LHFPL6: variants seen among roughly 807,000 people sequenced by gnomAD.
LHFPL6 encodes LHFPL tetraspan subfamily member 6 protein.
LHFPL6 carries 9 observed loss-of-function variants against 20.6 expected under a neutral mutation model. The observed-to-expected ratio is 0.44, with a 90% CI of 0.26 to 0.76. The LOEUF (loss-of-function observed/expected upper bound fraction) is 0.76, where lower values mean the gene tolerates loss of function less well. LHFPL6 is among the 30% of genes least tolerant of loss of function. LHFPL6 has a pLI of 0.20. For missense variants in LHFPL6, 218 were observed against 253.5 expected (o/e 0.86, Z 0.95); for synonymous variants, 105 against 98.7 (o/e 1.06, Z -0.38).
At chr13:39,429,721 C>A (rs1284128303) in intron 2 of LHFPL6, among the ~76,000 whole-genome samples, 1 of 152,104 alleles carries the variant, frequency 6.6e-6, no homozygotes, top group African/African-American at 2.4e-5. Flanking sequence ...GTCTCCAAAT[C>A]CTCTTCTCCC....
chr13:39,572,240 GAGTT>G (rs1307053032), intron 2 of LHFPL6, among the ~76,000 whole-genome samples: 2 of 151,956 alleles, frequency 1.3e-5, no homozygotes, highest in African/African-American at 2.4e-5. Flanking sequence ...AAAATCTAAA[GAGTT>G]AGTCATTTAT....
intron 2 of LHFPL6, among the ~76,000 whole-genome samples, chr13:39,590,229 G>A (rs1163414675): frequency 6.6e-6 from 1 of 152,104 alleles, no homozygotes; most frequent in African/African-American, 2.4e-5. Context: ...TACAGATCAA[G>A]GGTCCCTTCA....
chr13:39,599,376 A>C lies in LHFPL6; in HGVS notation c.385+1456T>G, dbSNP rs190071866. ...TTAAAATCTATTCTTAAAATTTGTA[A>C]GTTTTCAAACTCTGAATTTACATTT... On this transcript the variant is annotated intron_variant, in intron 2 of 3. Coordinates refer to ENST00000379589, the MANE Select transcript of LHFPL6 (RefSeq NM_005780.3). 4.3e-4 allele frequency among the ~76,000 whole-genome samples: 66 copies of C among 152,372 alleles called. 1 individual carries two copies. The highest frequency in any genetic ancestry group is 2.9e-3 in the East Asian group (15 of 5,192).
intron 2 of LHFPL6, among the ~76,000 whole-genome samples, chr13:39,533,351 C>A (rs888098099): frequency 3.3e-5 from 5 of 152,196 alleles, no homozygotes; most frequent in African/African-American, 1.2e-4. Context: ...CTATCTTCAA[C>A]ATGTGGCTTC....
At chr13:39,472,058 T>C (rs1352034036) in intron 2 of LHFPL6, among the ~76,000 whole-genome samples, 2 of 152,216 alleles carry the variant, frequency 1.3e-5, no homozygotes, top group Non-Finnish European at 2.9e-5. Flanking sequence ...CAGGAAACTG[T>C]GACAGAGCAG....
intron 2 of LHFPL6, among the ~76,000 whole-genome samples, chr13:39,505,363 T>A (rs1869439903): frequency 6.6e-6 from 1 of 152,104 alleles, no homozygotes; most frequent in Non-Finnish European, 1.5e-5. Context: ...ACTCAAACAT[T>A]CACTGAAGGC....
At chr13:39,410,443 C>T (rs1397884817) in intron 2 of LHFPL6, among the ~76,000 whole-genome samples, 1 of 152,148 alleles carries the variant, frequency 6.6e-6, no homozygotes, top group Non-Finnish European at 1.5e-5. Flanking sequence ...AACACCACCA[C>T]TAAACTTGAA....
In LHFPL6 at chr13:39,430,992, T is replaced by C. The variant is rs142058617; in HGVS notation, c.386-52466A>G. On this transcript the variant is annotated intron_variant, in intron 2 of 3. Coordinates refer to ENST00000379589, the MANE Select transcript of LHFPL6 (RefSeq NM_005780.3). ...ACTCTTTGGGTCTGCACTACCTTTA[T>C]GAGCTGTAATACCCACTGCAAAGGT... Among the ~76,000 whole-genome samples the C allele has an allele frequency of 9.1e-3, 1,385 of 152,308 alleles. 19 individuals carry two copies. The highest frequency in any genetic ancestry group is 0.031 in the African/African-American group (1,304 of 41,564).
chr13:39,351,774 T>C (rs1314893723), intron 3 of LHFPL6, among the ~76,000 whole-genome samples: 2 of 152,230 alleles, frequency 1.3e-5, no homozygotes, highest in African/African-American at 2.4e-5. Flanking sequence ...ACCACTCATA[T>C]ACTGCTGAGT....
chr13:39,412,333 A>G (rs1022274133), intron 2 of LHFPL6, among the ~76,000 whole-genome samples: 1 of 152,218 alleles, frequency 6.6e-6, no homozygotes, highest in African/African-American at 2.4e-5. Flanking sequence ...TAGCAGACAG[A>G]AATTTTACCA....
At chr13:39,531,336 G>A (rs2138495123) in intron 2 of LHFPL6, among the ~76,000 whole-genome samples, 1 of 152,230 alleles carries the variant, frequency 6.6e-6, no homozygotes, top group Non-Finnish European at 1.5e-5. Context: ...GAATTAATGA[G>A]CCTCATTGTC....
At chr13:39,372,516 C>T (rs1033833214) in intron 3 of LHFPL6, among the ~76,000 whole-genome samples, 1 of 152,230 alleles carries the variant, frequency 6.6e-6, no homozygotes, top group Non-Finnish European at 1.5e-5. Context: ...TTCACACCTA[C>T]TCCTTGCTTC....
chr13:39,426,061 C>G (rs1278129541), intron 2 of LHFPL6, among the ~76,000 whole-genome samples: 1 of 152,100 alleles, frequency 6.6e-6, no homozygotes, highest in Non-Finnish European at 1.5e-5. Context: ...AAGTGAATGG[C>G]ATTAAATAGA....
At position 39,515,413 on chromosome 13, in the gene LHFPL6, G is replaced by A. The variant is rs79523155; in HGVS notation, c.385+85419C>T. 2.6e-3 allele frequency among the ~76,000 whole-genome samples: 395 copies of A among 152,296 alleles called. 2 individuals are homozygous for A. Among genetic ancestry groups the A allele is most frequent in the African/African-American group, 7.9e-3 (328 of 41,562 alleles). On this transcript the variant is annotated intron_variant, in intron 2 of 3. Transcript: ENST00000379589. ...ATTTTACAACATATGATCCAAACAC[G>A]CTGCACCAAATTGGCCTTTAGTCAC...
intron 2 of LHFPL6, among the ~76,000 whole-genome samples, chr13:39,589,189 CT>C: frequency 6.6e-6 from 1 of 152,134 alleles, no homozygotes; most frequent in Non-Finnish European, 1.5e-5. Context: ...TCACTGCAGC[CT>C]CTGCCTCCCG....
intron 2 of LHFPL6, among the ~76,000 whole-genome samples, chr13:39,488,743 A>C (rs1248328810): frequency 6.6e-6 from 1 of 152,236 alleles, no homozygotes; most frequent in East Asian, 1.9e-4. Flanking sequence ...AGCAAAGTAC[A>C]TCGCTCTTCA....
At chr13:39,480,910 AAGAT>A in intron 2 of LHFPL6, among the ~76,000 whole-genome samples, 1 of 152,332 alleles carries the variant, frequency 6.6e-6, no homozygotes, top group African/African-American at 2.4e-5. Flanking sequence ...AAATGATCAT[AAGAT>A]ACTAAGTGAA....
At chr13:39,516,605 G>C (rs1927208) in intron 2 of LHFPL6, among the ~76,000 whole-genome samples, 12,927 of 152,242 alleles carry the variant, frequency 0.085, 627 homozygotes, top group East Asian at 0.25. Context: ...TTAATTACCA[G>C]ACTGATGAAT....
chr13:39,435,874 T>A (rs764811839), intron 2 of LHFPL6, among the ~76,000 whole-genome samples: 2 of 152,182 alleles, frequency 1.3e-5, no homozygotes. Flanking sequence ...TGCATACATA[T>A]GAGAACTTAT....
Sources: allele counts gnomAD v4.1 joint callset (sites outside exome capture counted in the v4.1 genomes callset), GRCh38; gene constraint gnomAD v4.1.1; transcripts MANE v1.5; gene names NCBI Gene and HGNC (gene_info 2026-07-23, HGNC 2026-07-21).